The following SLC25A24 variants were observed in gnomAD, a reference collection of about 807,000 sequenced individuals.
The protein encoded by SLC25A24 is mitochondrial adenyl nucleotide antiporter SLC25A24.
Under a neutral mutation model 60.7 loss-of-function variants are expected in SLC25A24, and 49 were observed. The ratio of observed to expected loss-of-function variants is 0.81; its 90% CI spans 0.64 to 1.02. SLC25A24 has a LOEUF of 1.02. Ranked by LOEUF, SLC25A24 falls within the 50% of genes least tolerant of loss-of-function variation. SLC25A24 has a pLI of 0.00. For missense variants in SLC25A24, 564 were observed against 586.3 expected (o/e 0.96, Z 0.39); for synonymous variants, 202 against 200.6 (o/e 1.01, Z -0.06).
At chr1:108,142,372 G>T (rs559987513) in intron 8 of SLC25A24, among the ~76,000 whole-genome samples, 39 of 152,164 alleles carry the variant, frequency 2.6e-4, no homozygotes, top group Non-Finnish European at 4.6e-4. Flanking sequence ...TAATCCAAAT[G>T]CTCTTCAACA....
chr1:108,150,785 C>T (rs1420173297), intron 6 of SLC25A24, among the ~76,000 whole-genome samples: 7 of 151,660 alleles, frequency 4.6e-5, no homozygotes, highest in Non-Finnish European at 1.0e-4. Flanking sequence ...CTCCCTTTCC[C>T]TACACACAAA....
chr1:108,157,360 GATT>G (rs1458626134), intron 5 of SLC25A24, 99 bp downstream of exon 5: 4 of 1,273,266 alleles, frequency 3.1e-6, no homozygotes, highest in Non-Finnish European at 2.2e-6. Flanking sequence ...GGGTATAAAA[GATT>G]ATTACTGAGA....
intron 2 of SLC25A24, 21 bp from the exon 3 acceptor site, chr1:108,182,049 CA>C (rs1647949278): frequency 6.8e-7 from 1 of 1,461,498 alleles, no homozygotes; most frequent in Non-Finnish European, 9.6e-7. Context: ...ATAAAAAGGG[CA>C]AAAAATAAAA....
At chr1:108,168,068 A>T (rs1334734387) in intron 3 of SLC25A24, among the ~76,000 whole-genome samples, 1 of 152,220 alleles carries the variant, frequency 6.6e-6, no homozygotes, top group Non-Finnish European at 1.5e-5. Flanking sequence ...GTCTCTAAAA[A>T]AAGCTTTGGT....
intron 5 of SLC25A24, among the ~76,000 whole-genome samples, chr1:108,156,270 T>G (rs1348845315): frequency 6.6e-6 from 1 of 152,262 alleles, no homozygotes; most frequent in Non-Finnish European, 1.5e-5. Context: ...GTGAGTTATG[T>G]GAGTCTTTCT....
intron 1 of SLC25A24, among the ~76,000 whole-genome samples, chr1:108,188,395 A>G (rs992591801): frequency 2.6e-5 from 4 of 152,116 alleles, no homozygotes; most frequent in African/African-American, 9.7e-5. Flanking sequence ...AAAAATTACC[A>G]TATTTTTACT....
At chr1:108,182,404 A>G (rs1373033881) in intron 2 of SLC25A24, among the ~76,000 whole-genome samples, 2 of 152,240 alleles carry the variant, frequency 1.3e-5, no homozygotes, top group South Asian at 2.1e-4. Flanking sequence ...GGATCTATTC[A>G]TTTTAAAAGT....
intron 8 of SLC25A24, among the ~76,000 whole-genome samples, chr1:108,139,639 T>G (rs184358682): frequency 9.2e-5 from 14 of 152,200 alleles, no homozygotes; most frequent in African/African-American, 3.4e-4. Context: ...TTTTGTTTGT[T>G]TTTTTGAGAT....
Position 108,188,229 on chromosome 1 carries a change from C to T in SLC25A24, c.184-2275G>A, listed in dbSNP as rs191833724. The stretch of plus-strand genomic sequence containing the variant: ...AAGCAGAAACTGGGGACTACAAGAA[C>T]GGGGAGGGAATGGACAAGGGTTGAA... On this transcript the variant is annotated intron_variant, in intron 1 of 9. Coordinates refer to ENST00000565488, the MANE Select transcript of SLC25A24 (RefSeq NM_013386.5). Among the ~76,000 whole-genome samples the T allele has an allele frequency of 6.6e-5, 10 of 151,850 alleles. No homozygotes were observed. The East Asian group carries it at 9.7e-4, about 15-fold the overall frequency.
chr1:108,175,332 T>C (rs774305227), intron 3 of SLC25A24, among the ~76,000 whole-genome samples: 1 of 152,202 alleles, frequency 6.6e-6, no homozygotes, highest in Non-Finnish European at 1.5e-5. Context: ...TAGGCACTGC[T>C]CTTCCTGCCA....
At chr1:108,189,521 T>C (rs951517655) in intron 1 of SLC25A24, among the ~76,000 whole-genome samples, 1 of 152,136 alleles carries the variant, frequency 6.6e-6, no homozygotes, top group Admixed American at 6.5e-5. Flanking sequence ...ATCAAAAATA[T>C]ATAGTCTATG....
At chr1:108,158,974 G>A (rs1679979398) in intron 4 of SLC25A24, among the ~76,000 whole-genome samples, 1 of 152,132 alleles carries the variant, frequency 6.6e-6, no homozygotes, top group Non-Finnish European at 1.5e-5. Context: ...CTGCACTCTA[G>A]CCTGGGCAAC....
At chr1:108,162,722 A>T (rs1179850416) in intron 3 of SLC25A24, among the ~76,000 whole-genome samples, 3 of 151,854 alleles carry the variant, frequency 2.0e-5, no homozygotes, top group Admixed American at 2.0e-4. Context: ...AGGTTGCAAA[A>T]ATTTTCTCCC....
At chr1:108,160,618 T>G (rs1680043194) in intron 4 of SLC25A24, among the ~76,000 whole-genome samples, 1 of 152,152 alleles carries the variant, frequency 6.6e-6, no homozygotes, top group African/African-American at 2.4e-5. Flanking sequence ...GTGGAGGTTG[T>G]AGCGAGCCGA....
At chr1:108,187,085 A>G (rs999649291) in intron 1 of SLC25A24, among the ~76,000 whole-genome samples, 46 of 151,566 alleles carry the variant, frequency 3.0e-4, no homozygotes, top group African/African-American at 1.1e-3. Context: ...CTCAAAAAAA[A>G]AAAAAAATTA....
At chr1:108,189,561 TC>T (rs1648269027) in intron 1 of SLC25A24, among the ~76,000 whole-genome samples, 1 of 152,130 alleles carries the variant, frequency 6.6e-6, no homozygotes, top group African/African-American at 2.4e-5. Flanking sequence ...ACGCCTGTAA[TC>T]CCAGCAGTTT....
chr1:108,166,976 A>G (rs533943321), intron 3 of SLC25A24, among the ~76,000 whole-genome samples: 4,686 of 151,098 alleles, frequency 0.031, 239 homozygotes, highest in African/African-American at 0.11. Context: ...TTTGGTGTGG[A>G]TGTCCTTTCT....
chr1:108,134,146 C>G lies in SLC25A24; in HGVS notation c.*2507G>C, dbSNP rs1679214998. On this transcript the variant is annotated 3_prime_UTR_variant, in exon 10 of 10. Coordinates refer to ENST00000565488, the MANE Select transcript of SLC25A24 (RefSeq NM_013386.5). ...CAAAGATTCCCTGAGAACAGAGGAG[C>G]AGATGCTGGCAATTGCACACAGAGC... The G allele has an allele frequency of 6.6e-6, 1 of 152,210 alleles. No homozygotes were observed. Among genetic ancestry groups the G allele is most frequent in the African/African-American group, 2.4e-5 (1 of 41,448 alleles). 9.4% of individuals were successfully genotyped at this position (152,210 alleles called of 1,614,324 possible).
intron 1 of SLC25A24, among the ~76,000 whole-genome samples, chr1:108,189,419 C>T (rs954466037): frequency 6.6e-6 from 1 of 152,210 alleles, no homozygotes; most frequent in Non-Finnish European, 1.5e-5. Context: ...CTGTGCCATC[C>T]TGCCCAGGAG....
Sources: gnomAD v4.1 joint callset for allele counts (sites outside exome capture counted in the v4.1 genomes callset) on GRCh38, gnomAD v4.1.1 for gene constraint, MANE v1.5 for transcripts, NCBI Gene and HGNC (gene_info 2026-07-23, HGNC 2026-07-21) for gene names.